Variants in MYO18A observed in about 807,000 individuals in gnomAD.
The protein encoded by MYO18A is unconventional myosin-XVIIIa.
Under a neutral mutation model 235.8 loss-of-function variants are expected in MYO18A, and 78 were observed. The observed-to-expected ratio is 0.33, with a 90% CI of 0.28 to 0.40. The LOEUF is 0.40. Ranked by LOEUF, MYO18A falls within the 10% of genes least tolerant of loss-of-function variation. MYO18A has a pLI of 1.00. For synonymous variants in MYO18A, 977 were observed against 1,077.8 expected (o/e 0.91, Z 1.83); for missense variants, 2,215 against 2,699.3 (o/e 0.82, Z 3.98).
At position 29,090,128 on chromosome 17, in the gene MYO18A, G is replaced by A. The variant is rs774669110; in HGVS notation, c.5389-30C>T. ...AGGTGGGGGACAGGAAGAGAAGAAA[G>A]AACTGAGCCCAGAAAGGGAGGAGAC... is the stretch of plus-strand genomic sequence containing the variant. On this transcript the variant is annotated intron_variant, in intron 36 of 41. Transcript: ENST00000527372. 11 of 1,601,764 alleles carry A rather than the reference G, an allele frequency of 6.9e-6. No homozygotes were observed. In the South Asian group the frequency reaches 1.2e-4, roughly 18 times the overall value.
At chr17:29,115,642 C>G (rs367680112) in intron 12 of MYO18A, 22 bp downstream of exon 12, 33 of 1,571,206 alleles carry the variant, frequency 2.1e-5, no homozygotes, top group Non-Finnish European at 2.3e-5. Context: ...CTCACAACTA[C>G]CAGCCAAGGG....
rs1230671218 is a variant in MYO18A at position 29,090,004 on chromosome 17, TCCAG to T, written c.5479_5482del (p.Leu1827ArgfsTer11). On this transcript the variant is annotated frameshift_variant, in exon 37 of 42. Transcript: ENST00000527372. LOFTEE classifies it high-confidence loss of function. ...CGTCCTTTCAAACTCCAGGCGTGTC[TCCAG>T]CTCCCGTATCTTAGCTTCCTGCCTG... 1 of 1,613,946 alleles carries T rather than the reference TCCAG, an allele frequency of 6.2e-7. No individual in the cohort carries two copies. The highest frequency in any genetic ancestry group is 8.5e-7 in the Non-Finnish European group (1 of 1,179,912).
At chr17:29,142,392 C>T (rs144259909) in intron 2 of MYO18A, among the ~76,000 whole-genome samples, 203 of 152,368 alleles carry the variant, frequency 1.3e-3, no homozygotes, top group African/African-American at 4.4e-3. Context: ...TGTGTGAACA[C>T]AGGCAGGTGA....
Position 29,165,978 on chromosome 17 carries a change from C to G in MYO18A, c.963G>C (p.Leu321=), listed in dbSNP as rs1567644352. ...CCCTGCGAGGTCCCTCGCCGCTCCG[C>G]AGCCAGCTCCTGCTGAGCTCGCTGA... ...PELSELSRSW[L]RSGEGPRREP... The change falls in exon 2 of 42, where the codon CTG becomes CTC. Residue 321 remains leucine, a synonymous_variant. Coordinates refer to ENST00000527372, the MANE Select transcript of MYO18A (RefSeq NM_078471.4). 6.2e-7 allele frequency: 1 copy of G among 1,613,476 alleles called. No individual in the cohort carries two copies. The highest frequency in any genetic ancestry group is 1.3e-5 in the African/African-American group (1 of 75,072).
intron 1 of MYO18A, among the ~76,000 whole-genome samples, chr17:29,176,178 C>T (rs967545540): frequency 5.3e-5 from 8 of 152,124 alleles, no homozygotes; most frequent in African/African-American, 1.7e-4. Flanking sequence ...AATGATTCAA[C>T]TTTTTTCCAG....
chr17:29,129,417 T>C (rs929510029), intron 2 of MYO18A, among the ~76,000 whole-genome samples: 1 of 152,224 alleles, frequency 6.6e-6, no homozygotes, highest in Non-Finnish European at 1.5e-5. Flanking sequence ...CTAGCTGGTG[T>C]GCCCACCCTT....
At chr17:29,152,307 T>G (rs1357597132) in intron 2 of MYO18A, among the ~76,000 whole-genome samples, 1 of 151,924 alleles carries the variant, frequency 6.6e-6, no homozygotes, top group East Asian at 1.9e-4. Context: ...GACCAAAAAG[T>G]AGGGTGAGTT....
In MYO18A at chr17:29,126,881, A is replaced by G. The variant is rs2067334234; in HGVS notation, c.1000-4628T>C. 6.6e-6 allele frequency among the ~76,000 whole-genome samples: 1 copy of G among 152,186 alleles called. No individual in the cohort carries two copies. Among genetic ancestry groups the G allele is most frequent in the South Asian group, 2.1e-4 (1 of 4,820 alleles). On this transcript the variant is annotated intron_variant, in intron 2 of 41. Coordinates refer to ENST00000527372, the MANE Select transcript of MYO18A (RefSeq NM_078471.4). This position sits in a 1 kb window ranked among gnomAD's most constrained non-coding sequence, Gnocchi z 4.1. ...CCCCACCCAGAGAACACTTTCTGGGAAGATAGGGTTGCCCCTATATCCCAA... is the reference window on the plus strand; with the variant it reads ...CCCCACCCAGAGAACACTTTCTGGGGAGATAGGGTTGCCCCTATATCCCAA...
chr17:29,111,349 AC>A lies in MYO18A; in HGVS notation c.2900+74del, dbSNP rs1422567753. The A allele has an allele frequency of 1.3e-6, 2 of 1,528,768 alleles. No individual in the cohort carries two copies. Among genetic ancestry groups the A allele is most frequent in the African/African-American group, 2.7e-5 (2 of 73,346 alleles). The allele number at this position is 1,528,768 out of a possible 1,614,324, so 94.7% of individuals were successfully genotyped here. On this transcript the variant is annotated intron_variant, in intron 17 of 41. Transcript: ENST00000527372. This position sits in a 1 kb window ranked among gnomAD's most constrained non-coding sequence, Gnocchi z 5.1. ...TGCTAGTGAGGGGGCCTCTGAGACA[AC>A]CCCAGGGGGAGGGAGCCCCAAAATC...
At chr17:29,115,957 A>T in intron 11 of MYO18A, 117 bp from the exon 12 acceptor site, 2 of 1,148,656 alleles carry the variant, frequency 1.7e-6, no homozygotes, top group Non-Finnish European at 2.4e-6. Flanking sequence ...CCCTGATGAC[A>T]CCCGATGGGC....
chr17:29,114,645 G>A (rs548618692), intron 14 of MYO18A, among the ~76,000 whole-genome samples: 4 of 152,334 alleles, frequency 2.6e-5, no homozygotes, highest in Admixed American at 1.3e-4. Context: ...GGCCTGGGAG[G>A]TGCCTCAAAA....
chr17:29,119,491 C>T, intron 7 of MYO18A, 56 bp from the exon 8 acceptor site: 1 of 1,348,832 alleles, frequency 7.4e-7, no homozygotes, highest in Non-Finnish European at 1.0e-6. Flanking sequence ...CAAGTTTCTC[C>T]CACCCCACAT....
chr17:29,121,769 T>A lies in MYO18A; in HGVS notation c.1195-46A>T, dbSNP rs928304851. On this transcript the variant is annotated intron_variant, in intron 4 of 41. Coordinates refer to ENST00000527372, the MANE Select transcript of MYO18A (RefSeq NM_078471.4). This position sits in a 1 kb window ranked among gnomAD's most constrained non-coding sequence, Gnocchi z 4.2. ...GTGGGTATTAGAGCAGCAGAGCCCA[T>A]CTCCGCTGCCAGAGGATGGGCCTGC... The A allele has an allele frequency of 2.5e-6, 4 of 1,600,998 alleles. No individual in the cohort carries two copies. Among genetic ancestry groups the A allele is most frequent in the Non-Finnish European group, 3.4e-6 (4 of 1,172,220 alleles).
chr17:29,094,789 T>C lies in MYO18A; in HGVS notation c.4571A>G (p.Gln1524Arg). 4 of 1,614,072 alleles carry C rather than the reference T, an allele frequency of 2.5e-6. No homozygotes were observed. Among genetic ancestry groups the C allele is most frequent in the Non-Finnish European group, 3.4e-6 (4 of 1,179,908 alleles). The change falls in exon 30 of 42, where the codon CAG becomes CGG. Residue 1524 changes from glutamine to arginine, a missense_variant. Transcript: ENST00000527372. Reference sequence around the variant, plus strand: ...CTTGGACTCTTGGGAAGAAATGTCCTGGAGCTCTGCCTCTAGAGACACAAC... The same window carrying C: ...CTTGGACTCTTGGGAAGAAATGTCCCGGAGCTCTGCCTCTAGAGACACAAC... ...QKVVSLEAEL[Q>R]DISSQESKDE... is the part of the protein sequence containing the mutation.
intron 2 of MYO18A, among the ~76,000 whole-genome samples, chr17:29,139,795 T>C (rs1212124462): frequency 6.6e-6 from 1 of 151,978 alleles, no homozygotes; most frequent in African/African-American, 2.4e-5. Context: ...TGCACAGAAA[T>C]GGAGGTGGCC....
chr17:29,115,063 C>T lies in MYO18A; in HGVS notation c.2355G>A (p.Met785Ile), dbSNP rs1480470981. The T allele has an allele frequency of 6.2e-7, 1 of 1,613,914 alleles. No individual in the cohort carries two copies. Among genetic ancestry groups the T allele is most frequent in the Admixed American group, 1.7e-5 (1 of 60,006 alleles). ...LKSSQHSLCS[M>I]MIVDTPGFQN... ...GGAAGCCCGGGGTGTCGACAATCAT[C>T]ATGGAGCAGAGTGAGTGCTGGCTGG... Residue 785 changes from methionine (M) to isoleucine (I), a missense_variant, in exon 14 of 42, where the codon ATG becomes ATA. Coordinates refer to ENST00000527372, the MANE Select transcript of MYO18A (RefSeq NM_078471.4).
chr17:29,105,119 C>T (rs915349390), intron 20 of MYO18A, among the ~76,000 whole-genome samples: 1 of 145,872 alleles, frequency 6.9e-6, no homozygotes, highest in African/African-American at 2.6e-5. Context: ...TTGCAGTGAG[C>T]TCAGATGGCG....
intron 20 of MYO18A, 24 bp from the exon 21 acceptor site, chr17:29,103,688 G>A (rs754511168): frequency 1.2e-6 from 2 of 1,613,002 alleles, no homozygotes; most frequent in Non-Finnish European, 1.7e-6. Context: ...CCTCTGTCAG[G>A]CAGCCCGCCT....
At chr17:29,160,352 T>C (rs142120475) in intron 2 of MYO18A, among the ~76,000 whole-genome samples, 12 of 152,328 alleles carry the variant, frequency 7.9e-5, no homozygotes, top group Admixed American at 3.9e-4. Flanking sequence ...GCCTATTTCA[T>C]AGAGATCACA....
Sources: gnomAD v4.1 joint callset for allele counts (sites outside exome capture counted in the v4.1 genomes callset) on GRCh38, gnomAD v4.1.1 for gene constraint, Gnocchi (gnomAD v3.1) non-coding constraint, MANE v1.5 for transcripts, NCBI Gene and HGNC (gene_info 2026-07-23, HGNC 2026-07-21) for gene names.